Variants in UBAC2 observed in about 807,000 individuals in gnomAD.
UBAC2 encodes ubiquitin-associated domain-containing protein 2.
A neutral mutation model predicts 44.0 loss-of-function variants in UBAC2; 26 were observed. The ratio of observed to expected loss-of-function variants is 0.59; its 90% CI spans 0.43 to 0.82. The LOEUF (loss-of-function observed/expected upper bound fraction) is 0.82, where lower values mean the gene tolerates loss of function less well. UBAC2 is among the 40% of genes least tolerant of loss of function. The pLI is 0.00. For missense variants in UBAC2, 329 were observed against 419.4 expected (o/e 0.78, Z 1.88); for synonymous variants, 155 against 154.3 (o/e 1.00, Z -0.04).
intron 1 of UBAC2, among the ~76,000 whole-genome samples, chr13:99,232,822 A>C (rs989751431): frequency 6.6e-6 from 1 of 152,062 alleles, no homozygotes; most frequent in Non-Finnish European, 1.5e-5. Context: ...TGCCCCTGTA[A>C]TCCCAGCTAC....
At chr13:99,368,021 C>G in intron 8 of UBAC2, 115 bp downstream of exon 8, 1 of 1,271,236 alleles carries the variant, frequency 7.9e-7, no homozygotes, top group Non-Finnish European at 1.1e-6. Context: ...ATGGTGACAG[C>G]AGTCCATCTG....
At position 99,385,542 on chromosome 13, in the gene UBAC2, A is replaced by C; in HGVS notation, c.*207A>C. 1.9e-6 allele frequency: 1 copy of C among 523,760 alleles called. No homozygotes were observed. The highest frequency in any genetic ancestry group is 2.9e-5 in the South Asian group (1 of 35,018). The allele number at this position is 523,760 out of a possible 1,614,324, so 32.4% of individuals were successfully genotyped here. A position where few individuals can be genotyped will look rare whatever the true frequency, so the allele number is the denominator to read the frequency against. On this transcript the variant is annotated 3_prime_UTR_variant, in exon 9 of 9. Coordinates refer to ENST00000403766, the MANE Select transcript of UBAC2 (RefSeq NM_001144072.2). Reference sequence around the variant, plus strand: ...GCCATTACATTAGCATGTATTTTCTATCTATATTTTTTATTGGGCATTTTC... The same window carrying C: ...GCCATTACATTAGCATGTATTTTCTCTCTATATTTTTTATTGGGCATTTTC...
intron 4 of UBAC2, among the ~76,000 whole-genome samples, chr13:99,291,738 A>AAGG (rs2138708221): frequency 6.6e-6 from 1 of 152,368 alleles, no homozygotes; most frequent in Admixed American, 6.5e-5. Context: ...GCCTTCAGTT[A>AAGG]CACACGTGCT....
chr13:99,226,587 TC>T (rs2043112420), intron 1 of UBAC2, among the ~76,000 whole-genome samples: 1 of 152,144 alleles, frequency 6.6e-6, no homozygotes, highest in Non-Finnish European at 1.5e-5. Flanking sequence ...TACTTAGACC[TC>T]CCCAAAGCAC....
intron 4 of UBAC2, among the ~76,000 whole-genome samples, chr13:99,286,576 C>T (rs186815743): frequency 6.6e-6 from 1 of 152,072 alleles, no homozygotes; most frequent in Admixed American, 6.5e-5. Context: ...GTCACTCAGG[C>T]TTGGGGTACA....
intron 4 of UBAC2, chr13:99,254,827 T>C: frequency 7.2e-7 from 1 of 1,395,460 alleles, no homozygotes; most frequent in Non-Finnish European, 9.9e-7. Context: ...GACGCCAGAG[T>C]AGTTAGTGAA....
chr13:99,356,367 G>A (rs1021843628), intron 7 of UBAC2: 7 of 350,626 alleles, frequency 2.0e-5, no homozygotes, highest in African/African-American at 6.2e-5. Context: ...AAGAAGAGAC[G>A]GGGCAGAGGG....
At chr13:99,279,351 C>G (rs16956413) in intron 4 of UBAC2, among the ~76,000 whole-genome samples, 4,016 of 152,242 alleles carry the variant, frequency 0.026, 173 homozygotes, top group African/African-American at 0.091. Context: ...GAATAAACTG[C>G]CACCATTCAA....
At chr13:99,235,987 T>TA (rs2043228305) in intron 1 of UBAC2, among the ~76,000 whole-genome samples, 1 of 152,008 alleles carries the variant, frequency 6.6e-6, no homozygotes, top group Admixed American at 6.6e-5. Context: ...ATTGTGCTGG[T>TA]AAAACGGGTT....
At chr13:99,270,447 C>T (rs1229675219) in intron 4 of UBAC2, among the ~76,000 whole-genome samples, 2 of 152,174 alleles carry the variant, frequency 1.3e-5, no homozygotes, top group Admixed American at 1.3e-4. Context: ...TAGTCATCAG[C>T]TTTTGTCTTC....
intron 4 of UBAC2, among the ~76,000 whole-genome samples, chr13:99,270,400 T>G (rs2043800383): frequency 6.6e-6 from 1 of 152,206 alleles, no homozygotes; most frequent in Non-Finnish European, 1.5e-5. Flanking sequence ...AGAAAATAAT[T>G]GGAATTTAGC....
chr13:99,278,298 G>A (rs141967623), intron 4 of UBAC2, among the ~76,000 whole-genome samples: 214 of 152,190 alleles, frequency 1.4e-3, no homozygotes, highest in African/African-American at 4.9e-3. Flanking sequence ...ATTAATACAT[G>A]TGGCAATAGA....
At chr13:99,383,750 G>A (rs1012256528) in intron 8 of UBAC2, among the ~76,000 whole-genome samples, 18 of 150,344 alleles carry the variant, frequency 1.2e-4, no homozygotes, top group Non-Finnish European at 1.6e-4. Context: ...GGCACCCCCC[G>A]TTTGGAAAAG....
At chr13:99,331,237 T>G (rs1594135029) in intron 6 of UBAC2, among the ~76,000 whole-genome samples, 1 of 152,370 alleles carries the variant, frequency 6.6e-6, no homozygotes, top group East Asian at 1.9e-4. Flanking sequence ...TTTCTTATTT[T>G]TTTTCTTCTG....
intron 2 of UBAC2, among the ~76,000 whole-genome samples, chr13:99,241,942 A>T (rs1395856060): frequency 3.3e-5 from 5 of 150,298 alleles, no homozygotes; most frequent in Non-Finnish European, 7.4e-5. Flanking sequence ...GATGACTCTT[A>T]AGGAGCATGC....
At chr13:99,213,436 C>T (rs2042956935) in intron 1 of UBAC2, among the ~76,000 whole-genome samples, 1 of 151,814 alleles carries the variant, frequency 6.6e-6, no homozygotes, top group Non-Finnish European at 1.5e-5. Context: ...TCTCGGCTTA[C>T]TGCAACTGCT....
chr13:99,292,993 G>C lies in UBAC2; in HGVS notation c.390-21104G>C, dbSNP rs192027905. 2.0e-5 allele frequency among the ~76,000 whole-genome samples: 3 copies of C among 152,304 alleles called. No homozygotes were observed. The East Asian group carries it at 5.8e-4, about 29-fold the overall frequency. ...TAAATGTAAAGCTAACTAATAACAAGACAGTGAGAGGATGCCCACAGCCGT... is the reference window on the plus strand; with the variant it reads ...TAAATGTAAAGCTAACTAATAACAACACAGTGAGAGGATGCCCACAGCCGT... On this transcript the variant is annotated intron_variant, in intron 4 of 8. Transcript: ENST00000403766.
chr13:99,246,090 A>G (rs191702295), intron 4 of UBAC2, among the ~76,000 whole-genome samples: 1 of 152,232 alleles, frequency 6.6e-6, no homozygotes, highest in South Asian at 2.1e-4. Flanking sequence ...TCTTGATTCA[A>G]ATTCACTTTG....
At chr13:99,352,457 C>A (rs992453555) in intron 7 of UBAC2, among the ~76,000 whole-genome samples, 3 of 152,192 alleles carry the variant, frequency 2.0e-5, no homozygotes, top group Non-Finnish European at 4.4e-5. Flanking sequence ...TGGCTTCTTT[C>A]GCTGAGCTTC....
Sources: allele counts gnomAD v4.1 joint callset (sites outside exome capture counted in the v4.1 genomes callset), GRCh38; gene constraint gnomAD v4.1.1; transcripts MANE v1.5; gene names NCBI Gene and HGNC (gene_info 2026-07-23, HGNC 2026-07-21).